HYCC2: variants seen among roughly 807,000 people sequenced by gnomAD.
HYCC2 encodes hyccin PI4KA lipid kinase complex subunit 2.
At chr2:201,021,779 CATT>C in the HYCC2 span, 2 of 293,242 alleles carry the variant, frequency 6.8e-6, no homozygotes, top group Non-Finnish European at 1.4e-5. Flanking sequence ...TACACACATT[CATT>C]ATTCAAACAA....
At chr2:201,069,042 T>C in the HYCC2 span, among the ~76,000 whole-genome samples, 2 of 152,328 alleles carry the variant, frequency 1.3e-5, no homozygotes, top group Admixed American at 6.5e-5. Flanking sequence ...TACAAAGTAC[T>C]GGTATGATAA....
chr2:201,009,832 G>A, the HYCC2 span, among the ~76,000 whole-genome samples: 3 of 151,678 alleles, frequency 2.0e-5, no homozygotes, highest in African/African-American at 4.8e-5. Flanking sequence ...GGCCAGGCGC[G>A]GTGGCTCACG....
chr2:200,974,560 A>G, the HYCC2 span: 1 of 151,942 alleles, frequency 6.6e-6, no homozygotes, highest in Admixed American at 6.5e-5. Context: ...TGGATGATAA[A>G]ACTTAAAAAC....
At chr2:201,037,593 C>G in the HYCC2 span, among the ~76,000 whole-genome samples, 2 of 152,132 alleles carry the variant, frequency 1.3e-5, no homozygotes, top group East Asian at 3.8e-4. Context: ...TGCCACATAT[C>G]TACAACTATC....
At chr2:201,014,717 A>C in the HYCC2 span, among the ~76,000 whole-genome samples, 12 of 152,210 alleles carry the variant, frequency 7.9e-5, no homozygotes, top group African/African-American at 2.9e-4. Flanking sequence ...GAGCACTGGT[A>C]CAGAAGAATA....
chr2:201,005,169 G>A, the HYCC2 span, among the ~76,000 whole-genome samples: 1 of 152,158 alleles, frequency 6.6e-6, no homozygotes, highest in Non-Finnish European at 1.5e-5. Flanking sequence ...AAAAGGCTGG[G>A]GGTGAGATAC....
the HYCC2 span, among the ~76,000 whole-genome samples, chr2:200,991,531 T>C: frequency 2.0e-5 from 3 of 149,842 alleles, no homozygotes; most frequent in African/African-American, 4.9e-5. Context: ...ATAGCGCCAC[T>C]GCACTCCAGC....
At chr2:201,050,732 G>A in the HYCC2 span, among the ~76,000 whole-genome samples, 4 of 151,948 alleles carry the variant, frequency 2.6e-5, no homozygotes, top group Non-Finnish European at 5.9e-5. Context: ...TCAGGAGTTC[G>A]AGACCAGCCT....
the HYCC2 span, among the ~76,000 whole-genome samples, chr2:201,036,497 TA>T: frequency 6.6e-6 from 1 of 152,090 alleles, no homozygotes; most frequent in Non-Finnish European, 1.5e-5. Flanking sequence ...AAATCCTCAA[TA>T]AAATACTGGC....
the HYCC2 span, among the ~76,000 whole-genome samples, chr2:201,020,944 T>A: frequency 6.6e-6 from 1 of 152,052 alleles, no homozygotes; most frequent in African/African-American, 2.4e-5. Flanking sequence ...ATTTTTGGTA[T>A]TTTTAGTAGA....
At chr2:201,033,318 C>T in the HYCC2 span, among the ~76,000 whole-genome samples, 1 of 151,810 alleles carries the variant, frequency 6.6e-6, no homozygotes, top group African/African-American at 2.4e-5. Flanking sequence ...AATCTTCACA[C>T]CTCAGCCCCC....
At chr2:201,042,039 C>G in the HYCC2 span, among the ~76,000 whole-genome samples, 1 of 152,182 alleles carries the variant, frequency 6.6e-6, no homozygotes, top group African/African-American at 2.4e-5. Flanking sequence ...GCCATCTCGG[C>G]TCACTGCAGC....
the HYCC2 span, among the ~76,000 whole-genome samples, chr2:200,983,439 T>C: frequency 1.3e-5 from 2 of 152,198 alleles, no homozygotes; most frequent in Non-Finnish European, 2.9e-5. Context: ...TATTTACTCA[T>C]ATGGATTATT....
At chr2:200,997,867 C>T in the HYCC2 span, among the ~76,000 whole-genome samples, 2 of 152,168 alleles carry the variant, frequency 1.3e-5, no homozygotes, top group Non-Finnish European at 2.9e-5. Flanking sequence ...GAAACCCCGT[C>T]TCTATTAAAA....
At chr2:200,988,617 T>C in the HYCC2 span, among the ~76,000 whole-genome samples, 1 of 152,206 alleles carries the variant, frequency 6.6e-6, no homozygotes, top group Non-Finnish European at 1.5e-5. Context: ...CATACCCCAC[T>C]GATGCCTTAA....
chr2:201,025,863 T>A, the HYCC2 span, among the ~76,000 whole-genome samples: 1 of 152,068 alleles, frequency 6.6e-6, no homozygotes, highest in African/African-American at 2.4e-5. Flanking sequence ...GCTTGAGACA[T>A]GCCTGGGAAA....
At chr2:200,988,475 T>A in the HYCC2 span, 14 of 1,360,982 alleles carry the variant, frequency 1.0e-5, no homozygotes, top group Non-Finnish European at 1.4e-5. Flanking sequence ...CAGTTTTTGT[T>A]TATACTACAT....
chr2:201,029,607 G>A, the HYCC2 span, among the ~76,000 whole-genome samples: 1 of 152,108 alleles, frequency 6.6e-6, no homozygotes, highest in Non-Finnish European at 1.5e-5. Flanking sequence ...CCATAAAAAA[G>A]GATGAGTTCA....
chr2:200,980,927 C>A, the HYCC2 span: 2 of 276,856 alleles, frequency 7.2e-6, no homozygotes, highest in South Asian at 5.7e-5. Context: ...TCATATACAC[C>A]ATTTCCTCTA....
Sources: gnomAD v4.1 joint callset for allele counts (sites outside exome capture counted in the v4.1 genomes callset) on GRCh38, gnomAD v4.1.1 for gene constraint, MANE v1.5 for transcripts, NCBI Gene and HGNC (gene_info 2026-07-23, HGNC 2026-07-21) for gene names.